The following ALDH1A2 variants were observed in gnomAD, a reference collection of about 807,000 sequenced individuals.
ALDH1A2 encodes retinal dehydrogenase 2.
Under a neutral mutation model 60.3 loss-of-function variants are expected in ALDH1A2, and 27 were observed. That is an observed-to-expected ratio of 0.45 (90% CI 0.33 to 0.62). The LOEUF (loss-of-function observed/expected upper bound fraction) is 0.62. Ranked by LOEUF, ALDH1A2 falls within the 20% of genes least tolerant of loss-of-function variation. The pLI is 0.02. For synonymous variants in ALDH1A2, 289 were observed against 232.4 expected, an observed-to-expected ratio of 1.24 and a Z score of -2.21; for missense variants, 581 against 643.8, an observed-to-expected ratio of 0.90 and a Z score of 1.06.
intron 7 of ALDH1A2, among the ~76,000 whole-genome samples, chr15:57,988,991 A>AC (rs1421823129): frequency 6.8e-6 from 1 of 145,988 alleles, no homozygotes; most frequent in Admixed American, 6.9e-5. Context: ...ACATGGTGAA[A>AC]CCCCATCTCT....
chr15:57,975,801 G>T (rs1280629175), intron 7 of ALDH1A2, among the ~76,000 whole-genome samples: 1 of 151,720 alleles, frequency 6.6e-6, no homozygotes, highest in Admixed American at 6.6e-5. Flanking sequence ...GTGCCAGAAA[G>T]CCTGGGAATG....
chr15:57,962,355 T>C (rs1402803870), intron 9 of ALDH1A2, among the ~76,000 whole-genome samples, 179 bp from the exon 10 acceptor site: 3 of 152,232 alleles, frequency 2.0e-5, no homozygotes, highest in African/African-American at 7.2e-5. Context: ...CAATTTTGTA[T>C]GGTTAATCCT....
intron 1 of ALDH1A2, among the ~76,000 whole-genome samples, chr15:58,049,256 C>T (rs190668534): frequency 6.6e-6 from 1 of 152,092 alleles, no homozygotes; most frequent in Non-Finnish European, 1.5e-5. Context: ...GCCTCTATTC[C>T]TCTCGCATGA....
chr15:57,978,176 C>T (rs1335328453), intron 7 of ALDH1A2, among the ~76,000 whole-genome samples: 2 of 152,010 alleles, frequency 1.3e-5, no homozygotes, highest in South Asian at 2.1e-4. Context: ...TAATTGAATA[C>T]CCTTTATTTC....
rs369825779 is a variant in ALDH1A2 at position 58,013,870 on chromosome 15, C to A, written c.351G>T (p.Arg117Ser). ...TTAGGTTACTTACTGCAAGAACTGCCCTGTCCCGTTCCACCAAGTCTGCAA... is the reference window on the plus strand; with the variant it reads ...TTAGGTTACTTACTGCAAGAACTGCACTGTCCCGTTCCACCAAGTCTGCAA... ...DKLADLVERD[R>S]AVLATMESLN... The change falls in exon 3 of 13, where the codon AGG (arginine) becomes AGT (serine). Residue 117 changes from arginine to serine, a missense_variant. This residue lies in a region of ALDH1A2 where 206 missense variants were observed against 174.1 expected (regional missense o/e 1.18). Coordinates refer to ENST00000249750, the MANE Select transcript of ALDH1A2 (RefSeq NM_003888.4). 7 of 1,614,118 alleles carry A rather than the reference C, an allele frequency of 4.3e-6. No homozygotes were observed. Among genetic ancestry groups the A allele is most frequent in the Admixed American group, 1.7e-5 (1 of 60,020 alleles).
rs147231228 is a variant in ALDH1A2, at chr15:58,008,602, T to C, written c.493+2047A>G. ...TAGGCCAAATAGAGATCTATGTGCA[T>C]TGCCTTCTGTTTCACAATCTTCCTC... On this transcript the variant is annotated intron_variant, in intron 4 of 12. Coordinates refer to ENST00000249750, the MANE Select transcript of ALDH1A2 (RefSeq NM_003888.4). 4.7e-3 allele frequency among the ~76,000 whole-genome samples: 719 copies of C among 152,254 alleles called. 6 individuals are homozygous for C. The highest frequency in any genetic ancestry group is 0.02 in the Middle Eastern group (6 of 294).
intron 7 of ALDH1A2, among the ~76,000 whole-genome samples, chr15:57,983,172 C>T (rs1894572698): frequency 6.6e-6 from 1 of 152,152 alleles, no homozygotes. Flanking sequence ...TGAAAGGAAA[C>T]AGTGAAACCT....
At chr15:58,004,489 T>C (rs1333530700) in intron 4 of ALDH1A2, among the ~76,000 whole-genome samples, 5 of 151,652 alleles carry the variant, frequency 3.3e-5, no homozygotes, top group African/African-American at 1.2e-4. Flanking sequence ...CTCCCTCCTT[T>C]TGAAGGCTCC....
intron 1 of ALDH1A2, among the ~76,000 whole-genome samples, chr15:58,028,463 A>T (rs1896138899): frequency 6.6e-6 from 1 of 152,190 alleles, no homozygotes; most frequent in Admixed American, 6.5e-5. Flanking sequence ...AATTGTAAAG[A>T]CCATCCATGC....
At chr15:58,028,715 C>G (rs555826466) in intron 1 of ALDH1A2, among the ~76,000 whole-genome samples, 1 of 151,998 alleles carries the variant, frequency 6.6e-6, no homozygotes, top group Non-Finnish European at 1.5e-5. Context: ...ATCTACCAAG[C>G]AAATGGAAAG....
chr15:58,065,174 G>C (rs986670929), intron 1 of ALDH1A2: 25 of 301,444 alleles, frequency 8.3e-5, no homozygotes, highest in African/African-American at 4.8e-4. Context: ...AAGCTGACGG[G>C]GAACCCCGGC....
chr15:57,984,933 C>T (rs761220852), intron 7 of ALDH1A2, among the ~76,000 whole-genome samples: 36 of 152,134 alleles, frequency 2.4e-4, no homozygotes, highest in Non-Finnish European at 3.7e-4. Context: ...GATTTTTTTA[C>T]ATATATAAAA....
chr15:57,970,602 C>T (rs1398993123), intron 7 of ALDH1A2, among the ~76,000 whole-genome samples: 1 of 152,108 alleles, frequency 6.6e-6, no homozygotes, highest in East Asian at 1.9e-4. Flanking sequence ...TTATTCAGGG[C>T]AGTTGCTCCC....
intron 7 of ALDH1A2, among the ~76,000 whole-genome samples, chr15:57,970,564 G>C (rs1894030112): frequency 6.6e-6 from 1 of 152,170 alleles, no homozygotes; most frequent in African/African-American, 2.4e-5. Context: ...AGGACAAAAA[G>C]GAACACAAAA....
intron 7 of ALDH1A2, among the ~76,000 whole-genome samples, chr15:57,972,390 A>G (rs1042202930): frequency 6.6e-6 from 1 of 152,222 alleles, no homozygotes; most frequent in African/African-American, 2.4e-5. Flanking sequence ...CTTTTGTTAC[A>G]TAAGACTCTA....
chr15:58,026,308 C>G (rs780151296), intron 1 of ALDH1A2, among the ~76,000 whole-genome samples: 1 of 152,140 alleles, frequency 6.6e-6, no homozygotes, highest in African/African-American at 2.4e-5. Context: ...CACTGAAAAT[C>G]TACAGAATGA....
At chr15:57,963,838 C>T in intron 9 of ALDH1A2, 47 bp downstream of exon 9, 2 of 1,601,464 alleles carry the variant, frequency 1.2e-6, no homozygotes, top group African/African-American at 1.3e-5. Context: ...CAGTTCTGTG[C>T]CAGTCAAGGA....
rs1895712421 is a variant in ALDH1A2 at position 58,013,936 on chromosome 15, T to C, written c.285A>G (p.Arg95=). ...GTCCCCTTTCTGAAGCATCCATCCT[T>C]CTCCACACTGAACCAAGAGAGAAAG... The part of the protein sequence containing the change: ...RLAFSLGSVW[R]RMDASERGRL... Residue 95 remains arginine, a synonymous_variant, in exon 3 of 13, where the codon AGA becomes AGG. Coordinates refer to ENST00000249750, the MANE Select transcript of ALDH1A2 (RefSeq NM_003888.4). 6.2e-7 allele frequency: 1 copy of C among 1,613,876 alleles called. No individual in the cohort carries two copies. Among genetic ancestry groups the C allele is most frequent in the African/African-American group, 1.3e-5 (1 of 74,840 alleles).
chr15:57,967,662 C>T (rs1179325945), intron 7 of ALDH1A2, among the ~76,000 whole-genome samples: 1 of 152,284 alleles, frequency 6.6e-6, no homozygotes, highest in East Asian at 1.9e-4. Context: ...AAAGTGATGT[C>T]TCTCAAAGAT....
Sources: allele counts gnomAD v4.1 joint callset (sites outside exome capture counted in the v4.1 genomes callset), GRCh38; gene constraint gnomAD v4.1.1; regional missense constraint gnomAD v4.1.1; transcripts MANE v1.5; gene names NCBI Gene and HGNC (gene_info 2026-07-23, HGNC 2026-07-21).